Variants in UNC5C observed in about 807,000 individuals in gnomAD.
The protein encoded by UNC5C is unc-5 netrin receptor C.
Under a neutral mutation model 99.8 loss-of-function variants are expected in UNC5C, and 47 were observed. That is an observed-to-expected ratio of 0.47 (90% CI 0.37 to 0.60). The LOEUF (loss-of-function observed/expected upper bound fraction) is 0.60. Among genes scored for constraint, UNC5C ranks in the 20% least tolerant of loss-of-function variants. The pLI is 0.00. For synonymous variants in UNC5C, 487 were observed against 452.2 expected (o/e 1.08, Z -0.98); for missense variants, 1,062 against 1,165.9 (o/e 0.91, Z 1.30).
At chr4:95,341,970 C>T (rs1560795072) in intron 1 of UNC5C, among the ~76,000 whole-genome samples, 1 of 152,102 alleles carries the variant, frequency 6.6e-6, no homozygotes, top group East Asian at 1.9e-4. Flanking sequence ...TTATACTGCC[C>T]TAGCCAGAGG....
chr4:95,437,661 T>C (rs1010301121), intron 1 of UNC5C, among the ~76,000 whole-genome samples: 1 of 152,070 alleles, frequency 6.6e-6, no homozygotes, highest in African/African-American at 2.4e-5. Flanking sequence ...ACAACTGTAA[T>C]TAGCTTTCTT....
At chr4:95,339,311 A>T (rs1743467378) in intron 1 of UNC5C, among the ~76,000 whole-genome samples, 1 of 151,990 alleles carries the variant, frequency 6.6e-6, no homozygotes. Flanking sequence ...AATAAGTAAA[A>T]TCCCTGCCAT....
intron 1 of UNC5C, among the ~76,000 whole-genome samples, chr4:95,425,915 GTTT>G (rs950477768): frequency 2.6e-5 from 4 of 151,998 alleles, no homozygotes; most frequent in Non-Finnish European, 5.9e-5. Flanking sequence ...ACTTCAAAGA[GTTT>G]TTTAATAATT....
intron 1 of UNC5C, among the ~76,000 whole-genome samples, chr4:95,345,922 C>T (rs1359110228): frequency 1.3e-5 from 2 of 151,604 alleles, no homozygotes; most frequent in Non-Finnish European, 3.0e-5. Flanking sequence ...AAACAAACAA[C>T]CTAAACATTC....
chr4:95,436,822 C>G (rs897011726), intron 1 of UNC5C, among the ~76,000 whole-genome samples: 2 of 151,706 alleles, frequency 1.3e-5, no homozygotes, highest in Non-Finnish European at 2.9e-5. Context: ...ATATTATAAT[C>G]TTAGAAATAA....
At chr4:95,210,109 T>G (rs1738026276) in intron 10 of UNC5C, among the ~76,000 whole-genome samples, 1 of 152,080 alleles carries the variant, frequency 6.6e-6, no homozygotes, top group Admixed American at 6.6e-5. Flanking sequence ...GCTGGGGAGC[T>G]GTCAGACCTG....
chr4:95,401,854 G>A (rs1745710015), intron 1 of UNC5C, among the ~76,000 whole-genome samples: 2 of 152,132 alleles, frequency 1.3e-5, no homozygotes, highest in East Asian at 1.9e-4. Context: ...ATGCATAGCT[G>A]ACAATCAAAC....
At chr4:95,485,807 T>G (rs1721312550) in intron 1 of UNC5C, among the ~76,000 whole-genome samples, 1 of 151,710 alleles carries the variant, frequency 6.6e-6, no homozygotes, top group African/African-American at 2.4e-5. Context: ...TCAGGTAGGG[T>G]TCTATAAACT....
chr4:95,524,039 A>G (rs543751065), intron 1 of UNC5C, among the ~76,000 whole-genome samples: 30 of 152,198 alleles, frequency 2.0e-4, no homozygotes, highest in Non-Finnish European at 4.3e-4. Flanking sequence ...AGAGCACACA[A>G]TCCTTTTTGC....
chr4:95,180,315 T>C (rs1736562639), intron 14 of UNC5C, among the ~76,000 whole-genome samples: 1 of 152,238 alleles, frequency 6.6e-6, no homozygotes. Context: ...TGAAACAAAA[T>C]AGAAGATGTG....
chr4:95,474,923 T>C (rs1391499422), intron 1 of UNC5C, among the ~76,000 whole-genome samples: 1 of 152,094 alleles, frequency 6.6e-6, no homozygotes, highest in African/African-American at 2.4e-5. Flanking sequence ...TTCCACAGTT[T>C]TAAGACTTTT....
At chr4:95,424,959 G>C (rs1003637119) in intron 1 of UNC5C, among the ~76,000 whole-genome samples, 2 of 152,102 alleles carry the variant, frequency 1.3e-5, no homozygotes, top group African/African-American at 4.8e-5. Flanking sequence ...ACCGGACTAG[G>C]CTTCAGGAAA....
chr4:95,366,561 A>G (rs1315802979), intron 1 of UNC5C, among the ~76,000 whole-genome samples: 1 of 152,206 alleles, frequency 6.6e-6, no homozygotes, highest in Non-Finnish European at 1.5e-5. Context: ...TAAAACAATC[A>G]AATACTAACC....
At chr4:95,181,230 T>C (rs1259524379) in intron 14 of UNC5C, among the ~76,000 whole-genome samples, 2 of 152,182 alleles carry the variant, frequency 1.3e-5, no homozygotes, top group Non-Finnish European at 2.9e-5. Context: ...GCTGGTCTCT[T>C]TGAGCAGACT....
At chr4:95,375,290 G>A (rs1055839151) in intron 1 of UNC5C, among the ~76,000 whole-genome samples, 20 of 151,974 alleles carry the variant, frequency 1.3e-4, no homozygotes, top group African/African-American at 4.8e-4. Context: ...TTAAAACTTA[G>A]GTAAAAATAA....
intron 1 of UNC5C, among the ~76,000 whole-genome samples, chr4:95,522,037 T>C (rs1722374112): frequency 6.6e-6 from 1 of 152,146 alleles, no homozygotes; most frequent in African/African-American, 2.4e-5. Flanking sequence ...TCCACTAATT[T>C]ATTTCTAGTT....
At chr4:95,323,569 C>G (rs1168308166) in intron 2 of UNC5C, among the ~76,000 whole-genome samples, 1 of 152,086 alleles carries the variant, frequency 6.6e-6, no homozygotes, top group African/African-American at 2.4e-5. Context: ...TTATAATGCT[C>G]AAAAGGGTAA....
chr4:95,522,329 G>A (rs1357891300), intron 1 of UNC5C, among the ~76,000 whole-genome samples: 1 of 152,054 alleles, frequency 6.6e-6, no homozygotes, highest in Non-Finnish European at 1.5e-5. Flanking sequence ...CGATTTTAAA[G>A]TGCAATGCTA....
At chr4:95,407,468 C>G (rs1430094804) in intron 1 of UNC5C, among the ~76,000 whole-genome samples, 1 of 151,946 alleles carries the variant, frequency 6.6e-6, no homozygotes, top group African/African-American at 2.4e-5. Context: ...ATTCCTGAAG[C>G]TAAAACCAAT....
Sources: gnomAD v4.1 joint callset for allele counts (sites outside exome capture counted in the v4.1 genomes callset) on GRCh38, gnomAD v4.1.1 for gene constraint, MANE v1.5 for transcripts, NCBI Gene and HGNC (gene_info 2026-07-23, HGNC 2026-07-21) for gene names.